The following INPP5A variants were observed in gnomAD, a reference collection of about 807,000 sequenced individuals.
INPP5A encodes the protein inositol polyphosphate-5-phosphatase A.
In INPP5A, 14 loss-of-function variants were observed where a neutral mutation model predicts 65.2. The ratio of observed to expected loss-of-function variants is 0.21; its 90% CI spans 0.14 to 0.34. INPP5A has a LOEUF of 0.34. Among genes scored for constraint, INPP5A ranks in the 10% least tolerant of loss-of-function variants. The pLI is 1.00. For missense variants in INPP5A, 431 were observed against 545.6 expected, an observed-to-expected ratio of 0.79 and a Z score of 2.09; for synonymous variants, 207 against 208.3, an observed-to-expected ratio of 0.99 and a Z score of 0.05.
rs1189289609 is a variant in INPP5A at position 132,547,654 on chromosome 10, C to T, written c.75+9483C>T. 6.6e-6 allele frequency among the ~76,000 whole-genome samples: 1 copy of T among 152,136 alleles called. No individual in the cohort carries two copies. ...CCTGAACAGGACTTGGTTTTTCAGG[C>T]CTTCATGCCTCAGCTTGAGGGGCTC... On this transcript the variant is annotated intron_variant, in intron 1 of 15. Transcript: ENST00000368594. The surrounding 1 kb of genome is among the most constrained non-coding windows in gnomAD (Gnocchi z 5.5).
In INPP5A at chr10:132,727,427, C is replaced by G. The variant is rs1846005541; in HGVS notation, c.732+522C>G. On this transcript the variant is annotated intron_variant, in intron 9 of 15. Coordinates refer to ENST00000368594, the MANE Select transcript of INPP5A (RefSeq NM_005539.5). This position sits in a 1 kb window ranked among gnomAD's most constrained non-coding sequence, Gnocchi z 6.5. The stretch of plus-strand genomic sequence containing the variant: ...TCCCGGGTGCTCCTGGGTGTGGGAA[C>G]TCAGGGGTCCAGGGTGCTCCTGGGT... 6.6e-6 allele frequency: 1 copy of G among 152,282 alleles called. No homozygotes were observed. The highest frequency in any genetic ancestry group is 1.5e-5 in the Non-Finnish European group (1 of 68,146). 9.4% of individuals were successfully genotyped at this position (152,282 alleles called of 1,614,324 possible).
intron 9 of INPP5A, among the ~76,000 whole-genome samples, chr10:132,743,765 G>A (rs993952646): frequency 2.0e-5 from 3 of 152,196 alleles, no homozygotes; most frequent in South Asian, 2.1e-4. Context: ...TCACTGGAGC[G>A]CAGACGTTAC....
intron 4 of INPP5A, among the ~76,000 whole-genome samples, chr10:132,654,393 G>A (rs2072622244): frequency 6.6e-6 from 1 of 152,254 alleles, no homozygotes; most frequent in South Asian, 2.1e-4. Context: ...ATGCCAAGCT[G>A]GTGCCAGGCG....
Position 132,650,713 on chromosome 10 carries a change from C to T in INPP5A, c.306+208C>T, listed in dbSNP as rs558994393. Among the ~76,000 whole-genome samples, 10 of 152,304 alleles carry T rather than the reference C, an allele frequency of 6.6e-5. No individual in the cohort carries two copies. The highest frequency in any genetic ancestry group is 6.2e-4 in the South Asian group (3 of 4,826). ...GCCTGGCAGGGAAGGTGGCCCAGCA[C>T]GCACAGGGTCTTGGGGCTCCAGACC... is the stretch of plus-strand genomic sequence containing the variant. On this transcript the variant is annotated intron_variant, in intron 4 of 15. Coordinates refer to ENST00000368594, the MANE Select transcript of INPP5A (RefSeq NM_005539.5). This position sits in a 1 kb window ranked among gnomAD's most constrained non-coding sequence, Gnocchi z 5.5.
At chr10:132,571,527 A>G (rs780040588) in intron 1 of INPP5A, among the ~76,000 whole-genome samples, 11 of 152,258 alleles carry the variant, frequency 7.2e-5, no homozygotes, top group Non-Finnish European at 1.6e-4. Flanking sequence ...TGGACTACAC[A>G]GAGCTATTAA....
chr10:132,776,021 G>T (rs375496036), intron 12 of INPP5A, among the ~76,000 whole-genome samples: 1 of 151,832 alleles, frequency 6.6e-6, no homozygotes, highest in Non-Finnish European at 1.5e-5. Flanking sequence ...GGCAGTGGAC[G>T]TGTGTCAGGG....
intron 3 of INPP5A, among the ~76,000 whole-genome samples, chr10:132,647,175 G>A (rs1230678475): frequency 6.6e-6 from 1 of 151,592 alleles, no homozygotes; most frequent in African/African-American, 2.4e-5. Flanking sequence ...GAGTGCAGTG[G>A]CGTGATCTGA....
chr10:132,607,665 C>T (rs1486348962), intron 1 of INPP5A, among the ~76,000 whole-genome samples: 1 of 152,246 alleles, frequency 6.6e-6, no homozygotes, highest in East Asian at 1.9e-4. Flanking sequence ...GCGACGCTGC[C>T]CGAGCTTTCC....
chr10:132,775,727 T>C (rs1320212893), intron 12 of INPP5A, among the ~76,000 whole-genome samples: 2 of 152,092 alleles, frequency 1.3e-5, no homozygotes, highest in African/African-American at 2.4e-5. Context: ...GCATCCCTGT[T>C]CTCTCTTGCT....
intron 11 of INPP5A, among the ~76,000 whole-genome samples, chr10:132,751,883 C>G (rs1846487032): frequency 9.1e-6 from 1 of 109,872 alleles, no homozygotes; most frequent in Admixed American, 8.9e-5. Flanking sequence ...AGGCGGGTGC[C>G]TAGGAGGTGT....
intron 9 of INPP5A, among the ~76,000 whole-genome samples, chr10:132,745,750 G>A (rs1846359446): frequency 6.7e-6 from 1 of 150,126 alleles, no homozygotes; most frequent in African/African-American, 2.5e-5. Flanking sequence ...CCTCAGCTGT[G>A]GTGGCCTTGG....
At position 132,697,723 on chromosome 10, in the gene INPP5A, G is replaced by T; in HGVS notation, c.371-93G>T. 1.2e-6 allele frequency: 1 copy of T among 859,550 alleles called. No individual in the cohort carries two copies. The highest frequency in any genetic ancestry group is 2.7e-5 in the East Asian group (1 of 37,646). The allele number at this position is 859,550 out of a possible 1,614,324, so 53.2% of individuals were successfully genotyped here. A position where few individuals can be genotyped will look rare whatever the true frequency, so the allele number is the denominator to read the frequency against. ...TCGGGGGGCCTCTCTGGCTCCCATC[G>T]GGCTGAAGTCGGGTGGAAACAGGTT... On this transcript the variant is annotated intron_variant, in intron 5 of 15. Transcript: ENST00000368594. The surrounding 1 kb of genome is among the most constrained non-coding windows in gnomAD (Gnocchi z 5.6).
At chr10:132,711,265 G>A (rs570834935) in intron 8 of INPP5A, among the ~76,000 whole-genome samples, 3 of 152,328 alleles carry the variant, frequency 2.0e-5, no homozygotes, top group Admixed American at 2.0e-4. Context: ...TCACTGGGAA[G>A]CAGGGGACCC....
intron 1 of INPP5A, among the ~76,000 whole-genome samples, chr10:132,557,725 G>A (rs2071145252): frequency 6.6e-6 from 1 of 152,224 alleles, no homozygotes; most frequent in African/African-American, 2.4e-5. Flanking sequence ...AGGGGCCCGA[G>A]TGTCTCGGGC....
rs2070861292 is a variant in INPP5A at position 132,538,014 on chromosome 10, C to T, written c.-83C>T. On this transcript the variant is annotated 5_prime_UTR_variant, in exon 1 of 16. Transcript: ENST00000368594. This position sits in a 1 kb window ranked among gnomAD's most constrained non-coding sequence, Gnocchi z 4.1. ...CGGCGCAGCTGACGCCCCGCGGCCCCGCGAAGACCCCGGCCGGCCGGTCCC... is the reference window on the plus strand; with the variant it reads ...CGGCGCAGCTGACGCCCCGCGGCCCTGCGAAGACCCCGGCCGGCCGGTCCC... The T allele has an allele frequency of 1.5e-6, 1 of 654,704 alleles. No individual in the cohort carries two copies. Among genetic ancestry groups the T allele is most frequent in the Non-Finnish European group, 1.9e-6 (1 of 529,498 alleles). 40.6% of individuals were successfully genotyped at this position (654,704 alleles called of 1,614,324 possible). A position where few individuals can be genotyped will look rare whatever the true frequency, so the allele number is the denominator to read the frequency against.
chr10:132,537,969 TGCG>T lies in INPP5A; in HGVS notation c.-127_-125del. 4.8e-6 allele frequency: 1 copy of T among 209,516 alleles called. No individual in the cohort carries two copies. Among genetic ancestry groups the T allele is most frequent in the Non-Finnish European group, 8.0e-6 (1 of 124,862 alleles). The allele number at this position is 209,516 out of a possible 1,614,324, so 13.0% of individuals were successfully genotyped here. ...CCCGGCCGACCCGCCGAGCCCGCGA[TGCG>T]CCCCGGGGCCGCCCCCCGGCGCAGC... On this transcript the variant is annotated 5_prime_UTR_variant, in exon 1 of 16. An upstream start codon of the reference 5' UTR is lost. Transcript: ENST00000368594.
intron 2 of INPP5A, among the ~76,000 whole-genome samples, chr10:132,612,105 G>T (rs538733603): frequency 7.1e-6 from 1 of 140,404 alleles, no homozygotes; most frequent in Admixed American, 8.8e-5. Context: ...AGTGAGGTGG[G>T]CAGGGGAGAG....
intron 11 of INPP5A, among the ~76,000 whole-genome samples, chr10:132,763,185 T>C (rs1846763973): frequency 6.6e-6 from 1 of 152,226 alleles, no homozygotes; most frequent in African/African-American, 2.4e-5. Context: ...AGCCACAGGA[T>C]GGCAGTGGCT....
intron 4 of INPP5A, among the ~76,000 whole-genome samples, chr10:132,684,986 T>C (rs1225357335): frequency 1.3e-5 from 2 of 152,250 alleles, no homozygotes; most frequent in African/African-American, 4.8e-5. Flanking sequence ...TTCTCTATTT[T>C]GTTGCAGACT....
Sources: allele counts gnomAD v4.1 joint callset (sites outside exome capture counted in the v4.1 genomes callset), GRCh38; gene constraint gnomAD v4.1.1; non-coding constraint Gnocchi (gnomAD v3.1); transcripts MANE v1.5; gene names NCBI Gene and HGNC (gene_info 2026-07-23, HGNC 2026-07-21).